The following NOP14 variants were observed in gnomAD, a reference collection of about 807,000 sequenced individuals.
The protein encoded by NOP14 is NOP14 nucleolar protein.
In NOP14, 57 loss-of-function variants were observed where a neutral mutation model predicts 101.6. The ratio of observed to expected loss-of-function variants is 0.56; its 90% CI spans 0.45 to 0.70. The LOEUF (loss-of-function observed/expected upper bound fraction) is 0.70. NOP14 is among the 30% of genes least tolerant of loss of function. The pLI, the probability that NOP14 is intolerant of heterozygous loss-of-function variation, is 0.00. For missense variants in NOP14, 1,134 were observed against 1,075.5 expected (o/e 1.05, Z -0.76); for synonymous variants, 428 against 424.0 (o/e 1.01, Z -0.12).
Position 2,938,653 on chromosome 4 carries a change from G to C in NOP14, c.*178C>G, listed in dbSNP as rs533575879. On this transcript the variant is annotated 3_prime_UTR_variant, in exon 18 of 18. Coordinates refer to ENST00000416614, the MANE Select transcript of NOP14 (RefSeq NM_001291978.2). ...CCCGAGTAGTTGGGACTACAGGTGC[G>C]TGCCACCACACTTGGCTAATTTTTA... The C allele has an allele frequency of 1.7e-6, 1 of 589,154 alleles. No homozygotes were observed. The highest frequency in any genetic ancestry group is 3.0e-6 in the Non-Finnish European group (1 of 333,962). 36.5% of individuals were successfully genotyped at this position (589,154 alleles called of 1,614,324 possible).
At chr4:2,962,565 G>GC (rs763723658) in intron 1 of NOP14, among the ~76,000 whole-genome samples, 1 of 151,952 alleles carries the variant, frequency 6.6e-6, no homozygotes, top group Non-Finnish European at 1.5e-5. Flanking sequence ...TGCATGCCCA[G>GC]CCCTTACCAG....
Position 2,963,272 on chromosome 4 carries a change from CGCCCCGGA to C in NOP14, c.40_47del (p.Ser14AlafsTer21). The C allele has an allele frequency of 6.3e-7, 1 of 1,591,466 alleles. No individual in the cohort carries two copies. The highest frequency in any genetic ancestry group is 8.5e-7 in the Non-Finnish European group (1 of 1,171,406). On this transcript the variant is annotated frameshift_variant, in exon 1 of 18. Transcript: ENST00000416614. LOFTEE classifies it high-confidence loss of function. The stretch of plus-strand genomic sequence containing the variant: ...CCGGGCCCCCTCGCGCTCCCGCCGG[CGCCCCGGA>C]GGCCTTCCTTCGCGCCCCGACCTTC...
chr4:2,950,111 C>T lies in NOP14; in HGVS notation c.1105G>A (p.Asp369Asn), dbSNP rs756294619. Residue 369 changes from aspartate to asparagine, a missense_variant, in exon 8 of 18, where the codon GAC becomes AAC. Physicochemically the swap from Asp to Asn is conservative, Grantham distance 23. Transcript: ENST00000416614. ...EEEGDSSGGE[D>N]TEESDSPDSH... ...TCTGGGCTGTCGCTCTCCTCTGTGTCCTCCCCGCCTGAACTGTCACCTTCT... is the reference window on the plus strand; with the variant it reads ...TCTGGGCTGTCGCTCTCCTCTGTGTTCTCCCCGCCTGAACTGTCACCTTCT... 60 of 1,613,988 alleles carry T rather than the reference C, an allele frequency of 3.7e-5. No homozygotes were observed. The highest frequency in any genetic ancestry group is 4.2e-5 in the Non-Finnish European group (50 of 1,179,992).
chr4:2,959,923 T>G lies in NOP14; in HGVS notation c.196-2183A>C, dbSNP rs558292323. Among the ~76,000 whole-genome samples, 94 of 151,862 alleles carry G rather than the reference T, an allele frequency of 6.2e-4. 2 individuals are homozygous for G. Among genetic ancestry groups the G allele is most frequent in the Middle Eastern group, 3.4e-3 (1 of 290 alleles). ...CATTACATGTGCTAGCCTGTACTGCTCGATGAACTCTGTACGGACAGAGGC... is the reference window on the plus strand; with the variant it reads ...CATTACATGTGCTAGCCTGTACTGCGCGATGAACTCTGTACGGACAGAGGC... On this transcript the variant is annotated intron_variant, in intron 1 of 17. Transcript: ENST00000416614.
intron 14 of NOP14, 160 bp from the exon 15 acceptor site, chr4:2,941,889 GCAGGCT>G (rs764412049): frequency 9.7e-6 from 8 of 823,820 alleles, no homozygotes; most frequent in Non-Finnish European, 1.3e-5. Flanking sequence ...CACGGGCAAG[GCAGGCT>G]CAGGGTCAGG....
In NOP14 at chr4:2,939,248, C is replaced by A; in HGVS notation, c.2414G>T (p.Arg805Leu). 5 of 1,614,040 alleles carry A rather than the reference C, an allele frequency of 3.1e-6. No individual in the cohort carries two copies. Among genetic ancestry groups the A allele is most frequent in the Non-Finnish European group, 4.2e-6 (5 of 1,180,052 alleles). Residue 805 changes from arginine (R) to leucine (L), a missense_variant, in exon 17 of 18, where the codon CGA (arginine) becomes CTA (leucine). Physicochemically the swap from Arg to Leu is moderately radical, Grantham distance 102 (BLOSUM62 -2). Coordinates refer to ENST00000416614, the MANE Select transcript of NOP14 (RefSeq NM_001291978.2). ...KHKREFKGAV[R>L]EIRKDNQFLA... is the part of the protein sequence containing the mutation. ...GAACTGATTGTCCTTGCGGATTTCT[C>A]GAACGGCCCCTTTAAATTCACGCTT...
Position 2,938,404 on chromosome 4 carries a change from C to G in NOP14, c.*427G>C, listed in dbSNP as rs1398048393. 1 of 375,530 alleles carries G rather than the reference C, an allele frequency of 2.7e-6. No individual in the cohort carries two copies. Among genetic ancestry groups the G allele is most frequent in the African/African-American group, 2.1e-5 (1 of 46,876 alleles). The allele number at this position is 375,530 out of a possible 1,614,324, so 23.3% of individuals were successfully genotyped here. A position where few individuals can be genotyped will look rare whatever the true frequency, so the allele number is the denominator to read the frequency against. ...GCGTGGTGGCACATGTCTGTAATCC[C>G]AGCTACTCGGGAGGCTGAGGCAGGA... is the stretch of plus-strand genomic sequence containing the variant. On this transcript the variant is annotated 3_prime_UTR_variant, in exon 18 of 18. Coordinates refer to ENST00000416614, the MANE Select transcript of NOP14 (RefSeq NM_001291978.2).
intron 15 of NOP14, among the ~76,000 whole-genome samples, chr4:2,940,110 G>A (rs1352628981): frequency 2.0e-5 from 3 of 152,218 alleles, no homozygotes; most frequent in Non-Finnish European, 2.9e-5. Flanking sequence ...GCAAACTGAC[G>A]CTGGGTGCTA....
rs185370807 is a variant in NOP14 at position 2,938,570 on chromosome 4, T to A, written c.*261A>T. The A allele has an allele frequency of 1.2e-3, 592 of 491,246 alleles. 4 individuals carry two copies. Among genetic ancestry groups the A allele is most frequent in the South Asian group, 5.8e-3 (258 of 44,212 alleles). 30.4% of individuals were successfully genotyped at this position (491,246 alleles called of 1,614,324 possible). ...GTGGCCGAGGCTGGAGTGCAGTGGC[T>A]CAATCACGGCTCACTGTAACCTTGG... is the stretch of plus-strand genomic sequence containing the variant. On this transcript the variant is annotated 3_prime_UTR_variant, in exon 18 of 18. Coordinates refer to ENST00000416614, the MANE Select transcript of NOP14 (RefSeq NM_001291978.2).
chr4:2,938,327 C>A lies in NOP14; in HGVS notation c.*504G>T, dbSNP rs1482748933. On this transcript the variant is annotated 3_prime_UTR_variant, in exon 18 of 18. Coordinates refer to ENST00000416614, the MANE Select transcript of NOP14 (RefSeq NM_001291978.2). ...CCTGAGGTCGGGAATTCGAGACCAG[C>A]CTGACCAACATGGAGAAACCCCGTC... is the stretch of plus-strand genomic sequence containing the variant. 1.4e-6 allele frequency: 1 copy of A among 717,886 alleles called. No individual in the cohort carries two copies. Among genetic ancestry groups the A allele is most frequent in the African/African-American group, 1.8e-5 (1 of 54,290 alleles). 44.5% of individuals were successfully genotyped at this position (717,886 alleles called of 1,614,324 possible). A position where few individuals can be genotyped will look rare whatever the true frequency, so the allele number is the denominator to read the frequency against.
chr4:2,961,511 C>G (rs372122227), intron 1 of NOP14: 2 of 152,192 alleles, frequency 1.3e-5, no homozygotes, highest in African/African-American at 4.8e-5. Flanking sequence ...GACTAACCCA[C>G]ATGAAAAGAC....
At chr4:2,957,797 G>A (rs1261739998) in intron 1 of NOP14, 57 bp from the exon 2 acceptor site, 52 of 1,586,962 alleles carry the variant, frequency 3.3e-5, no homozygotes, top group Non-Finnish European at 4.2e-5. Flanking sequence ...CCACTACAGG[G>A]GACATCAGAA....
chr4:2,952,602 CA>C (rs2109307572), intron 5 of NOP14, among the ~76,000 whole-genome samples: 1 of 152,270 alleles, frequency 6.6e-6, no homozygotes, highest in Non-Finnish European at 1.5e-5. Context: ...CATTCGGTCA[CA>C]AAGAATTTGT....
chr4:2,939,711 G>A lies in NOP14; in HGVS notation c.2200-66C>T, dbSNP rs144842358. On this transcript the variant is annotated intron_variant, in intron 15 of 17. Transcript: ENST00000416614. ...GCTGCGTGCCCTGAGCTCCACGCAC[G>A]GGTTCTGTGGTGTCAAGGCAGCGTG... 7.8e-5 allele frequency: 94 copies of A among 1,211,134 alleles called. 1 individual carries two copies. The highest frequency in any genetic ancestry group is 5.6e-4 in the African/African-American group (38 of 67,544). The allele number at this position is 1,211,134 out of a possible 1,614,324, so 75.0% of individuals were successfully genotyped here.
At chr4:2,942,975 G>T (rs1227065969) in intron 13 of NOP14, among the ~76,000 whole-genome samples, 1 of 152,206 alleles carries the variant, frequency 6.6e-6, no homozygotes, top group East Asian at 1.9e-4. Context: ...CGTGGGTCAG[G>T]CCCCGCCCCA....
intron 7 of NOP14, 175 bp from the exon 8 acceptor site, chr4:2,950,388 C>G: frequency 1.5e-6 from 1 of 654,134 alleles, no homozygotes; most frequent in Non-Finnish European, 2.6e-6. Context: ...CCACCCGCTT[C>G]TAGGCTATTC....
In NOP14 at chr4:2,941,732, G is replaced by A. The variant is rs372306462; in HGVS notation, c.2052-3C>T. On this transcript the variant is annotated splice_region_variant and splice_polypyrimidine_tract_variant and intron_variant, in intron 14 of 17. Transcript: ENST00000416614. ...GGCCCACAGCCAGGCAGGACAGTCT[G>A]TGAGGGCAGGAGGCAAGAGGAGGTC... 3.7e-6 allele frequency: 6 copies of A among 1,611,846 alleles called. No individual in the cohort carries two copies. Among genetic ancestry groups the A allele is most frequent in the African/African-American group, 2.7e-5 (2 of 75,064 alleles).
At chr4:2,955,154 G>A (rs112431397) in intron 3 of NOP14, among the ~76,000 whole-genome samples, 2 of 114,780 alleles carry the variant, frequency 1.7e-5, no homozygotes, top group Non-Finnish European at 3.6e-5. Flanking sequence ...ACCCCACGGC[G>A]CCCCCTCTAG....
chr4:2,941,177 G>T (rs1329775568), intron 15 of NOP14: 5 of 184,888 alleles, frequency 2.7e-5, no homozygotes, highest in Admixed American at 6.0e-5. Flanking sequence ...CTTGGGTCCA[G>T]CTGAGACTGT....
Sources: allele counts gnomAD v4.1 joint callset (sites outside exome capture counted in the v4.1 genomes callset), GRCh38; gene constraint gnomAD v4.1.1; transcripts MANE v1.5; gene names NCBI Gene and HGNC (gene_info 2026-07-23, HGNC 2026-07-21).